DCLK1: variants seen among roughly 807,000 people sequenced by gnomAD.
The protein encoded by DCLK1 is doublecortin like kinase 1.
Under a neutral mutation model 86.2 loss-of-function variants are expected in DCLK1, and 16 were observed. The ratio of observed to expected loss-of-function variants is 0.19; its 90% CI spans 0.13 to 0.28. The LOEUF (loss-of-function observed/expected upper bound fraction) is 0.28, where lower values mean the gene tolerates loss of function less well. Among genes scored for constraint, DCLK1 ranks in the 10% least tolerant of loss-of-function variants. The pLI is 1.00. For missense variants in DCLK1, 590 were observed against 940.2 expected, an observed-to-expected ratio of 0.63 and a Z score of 4.87; for synonymous variants, 369 against 370.5, an observed-to-expected ratio of 1.00 and a Z score of 0.05.
intron 9 of DCLK1, among the ~76,000 whole-genome samples, 189 bp from the exon 10 acceptor site, chr13:35,827,943 G>A (rs1303942484): frequency 1.3e-5 from 2 of 152,138 alleles, no homozygotes; most frequent in Non-Finnish European, 1.5e-5. Context: ...CTTACATAAT[G>A]CTTGCAAATT....
intron 5 of DCLK1, among the ~76,000 whole-genome samples, chr13:35,867,514 T>C (rs575254596): frequency 1.0e-3 from 159 of 152,134 alleles, no homozygotes; most frequent in African/African-American, 3.6e-3. Context: ...AAGGAAAAAA[T>C]AGAATGTGGA....
intron 11 of DCLK1, among the ~76,000 whole-genome samples, chr13:35,811,694 C>T (rs1441544507): frequency 2.0e-5 from 3 of 151,868 alleles, no homozygotes; most frequent in Non-Finnish European, 2.9e-5. Context: ...AGTAGCTGGG[C>T]GTGGTGGCGG....
chr13:35,823,969 T>C (rs1372516695), intron 10 of DCLK1, among the ~76,000 whole-genome samples: 2 of 151,802 alleles, frequency 1.3e-5, no homozygotes, highest in East Asian at 1.9e-4. Flanking sequence ...TCAAAGCAAA[T>C]AGTTTTTTCA....
chr13:35,872,024 GT>G (rs1872306025), intron 4 of DCLK1, among the ~76,000 whole-genome samples: 1 of 152,212 alleles, frequency 6.6e-6, no homozygotes, highest in Non-Finnish European at 1.5e-5. Flanking sequence ...AATTCTCAGT[GT>G]TCATGTCCAT....
intron 3 of DCLK1, among the ~76,000 whole-genome samples, chr13:35,959,892 T>TGTGC (rs1476015382): frequency 4.0e-5 from 6 of 149,482 alleles, no homozygotes; most frequent in Admixed American, 1.3e-4. Context: ...TGTGTGTGTG[T>TGTGC]GCACCTGTGT....
intron 4 of DCLK1, among the ~76,000 whole-genome samples, chr13:35,918,892 G>GTTTTTTGTTTTTTTTT (rs1875603140): frequency 1.3e-5 from 1 of 76,310 alleles, no homozygotes; most frequent in Non-Finnish European, 2.5e-5. Context: ...TTCTGAGTGT[G>GTTTTTTGTTTTTTTTT]TTTTTTTTTT....
chr13:35,847,729 A>G (rs1289324110), intron 6 of DCLK1: 1 of 985,018 alleles, frequency 1.0e-6, no homozygotes, highest in East Asian at 1.1e-4. Flanking sequence ...TAGGGTATAT[A>G]TATATATAGT....
chr13:35,901,623 C>T (rs946523716), intron 4 of DCLK1, among the ~76,000 whole-genome samples: 5 of 151,700 alleles, frequency 3.3e-5, no homozygotes, highest in Non-Finnish European at 7.4e-5. Flanking sequence ...GGGGATTCTC[C>T]TGGCACTCCC....
At chr13:35,775,466 C>A (rs888355202) in intron 16 of DCLK1, among the ~76,000 whole-genome samples, 1 of 152,132 alleles carries the variant, frequency 6.6e-6, no homozygotes, top group South Asian at 2.1e-4. Context: ...GATGATTCCC[C>A]GGATGTGTTA....
chr13:35,844,394 T>C (rs78035444), intron 6 of DCLK1, among the ~76,000 whole-genome samples: 3 of 152,172 alleles, frequency 2.0e-5, no homozygotes, highest in African/African-American at 4.8e-5. Flanking sequence ...TACAACTAGA[T>C]CTGTACTGTT....
chr13:35,806,363 C>T (rs1298199459), intron 14 of DCLK1, among the ~76,000 whole-genome samples: 1 of 152,072 alleles, frequency 6.6e-6, no homozygotes, highest in Non-Finnish European at 1.5e-5. Context: ...AATTTCCAGA[C>T]AAATCAATAC....
At chr13:36,099,822 T>C (rs191587984) in intron 3 of DCLK1, among the ~76,000 whole-genome samples, 1 of 152,266 alleles carries the variant, frequency 6.6e-6, no homozygotes, top group East Asian at 1.9e-4. Flanking sequence ...CTGTCAATAA[T>C]TGGCACTCTG....
chr13:35,932,903 T>G (rs2153129368), intron 4 of DCLK1, among the ~76,000 whole-genome samples: 1 of 152,332 alleles, frequency 6.6e-6, no homozygotes, highest in East Asian at 1.9e-4. Context: ...CATTTCAGCC[T>G]TAACTCAAAA....
chr13:35,929,193 T>C (rs1876290943), intron 4 of DCLK1, among the ~76,000 whole-genome samples: 1 of 152,184 alleles, frequency 6.6e-6, no homozygotes, highest in Non-Finnish European at 1.5e-5. Flanking sequence ...CCTCCCAAAG[T>C]TCTAAACACT....
chr13:35,919,219 A>G (rs981725276), intron 4 of DCLK1, among the ~76,000 whole-genome samples: 1 of 152,092 alleles, frequency 6.6e-6, no homozygotes, highest in Non-Finnish European at 1.5e-5. Flanking sequence ...AAGTTTTGGT[A>G]CTAATTAAGT....
chr13:35,984,377 G>C (rs1464175547), intron 3 of DCLK1, among the ~76,000 whole-genome samples: 3 of 152,180 alleles, frequency 2.0e-5, no homozygotes, highest in Non-Finnish European at 4.4e-5. Context: ...ACATTGTTTG[G>C]AGACAACACT....
chr13:35,874,740 A>T (rs1192079073), intron 4 of DCLK1, among the ~76,000 whole-genome samples: 14 of 152,262 alleles, frequency 9.2e-5, no homozygotes, highest in Admixed American at 9.2e-4. Context: ...CCCATGGGAC[A>T]ATAACGCCCA....
At chr13:35,884,476 C>G (rs931045620) in intron 4 of DCLK1, among the ~76,000 whole-genome samples, 1 of 152,084 alleles carries the variant, frequency 6.6e-6, no homozygotes, top group South Asian at 2.1e-4. Flanking sequence ...AGATAAATTA[C>G]TCAAGAATGG....
rs1881015513 is a variant in DCLK1 at position 36,007,160 on chromosome 13, A to G, written c.724-59703T>C. On this transcript the variant is annotated intron_variant, in intron 3 of 16. Coordinates refer to ENST00000360631, the MANE Select transcript of DCLK1 (RefSeq NM_001330071.2). ...CTATGTCATAGATTGACTGCTCACC[A>G]CTCCTGCTGAGCCTCAAAGCAATTT... 2.6e-5 allele frequency among the ~76,000 whole-genome samples: 4 copies of G among 151,868 alleles called. No individual in the cohort carries two copies. In the South Asian group the frequency reaches 8.3e-4, roughly 32 times the overall value.
Sources: gnomAD v4.1 joint callset for allele counts (sites outside exome capture counted in the v4.1 genomes callset) on GRCh38, gnomAD v4.1.1 for gene constraint, MANE v1.5 for transcripts, NCBI Gene and HGNC (gene_info 2026-07-23, HGNC 2026-07-21) for gene names.